Variants in TOPAZ1 observed in about 807,000 individuals in gnomAD.
The protein encoded by TOPAZ1 is protein TOPAZ1.
In TOPAZ1, 66 loss-of-function variants were observed where a neutral mutation model predicts 172.2. The observed-to-expected ratio is 0.38, with a 90% CI of 0.31 to 0.47. The LOEUF is 0.47. Ranked by LOEUF, TOPAZ1 falls within the 20% of genes least tolerant of loss-of-function variation. The pLI is 0.99. For synonymous variants in TOPAZ1, 681 were observed against 683.9 expected (o/e 1.00, Z 0.07); for missense variants, 1,822 against 1,972.4 (o/e 0.92, Z 1.44).
intron 12 of TOPAZ1, among the ~76,000 whole-genome samples, chr3:44,301,627 C>G (rs189364908): frequency 6.6e-6 from 1 of 152,202 alleles, no homozygotes; most frequent in East Asian, 1.9e-4. Context: ...TGAGCATTTT[C>G]TGTTCGTATA....
At chr3:44,328,836 G>C (rs762929770) in intron 19 of TOPAZ1, among the ~76,000 whole-genome samples, 13 of 152,152 alleles carry the variant, frequency 8.5e-5, no homozygotes, top group Non-Finnish European at 1.8e-4. Context: ...GAATACCATT[G>C]AAAATAAAGC....
At chr3:44,259,616 T>C (rs535005384) in intron 4 of TOPAZ1, among the ~76,000 whole-genome samples, 1 of 152,364 alleles carries the variant, frequency 6.6e-6, no homozygotes, top group Non-Finnish European at 1.5e-5. Flanking sequence ...ATTTTGCATA[T>C]GTGCAAGCAT....
chr3:44,262,586 A>G (rs1699787080), intron 5 of TOPAZ1, 103 bp downstream of exon 5: 1 of 569,648 alleles, frequency 1.8e-6, no homozygotes, highest in South Asian at 2.7e-5. Context: ...CTTGGGCTAT[A>G]TGCCATAAGC....
At position 44,245,052 on chromosome 3, in the gene TOPAZ1, G is replaced by T. The variant is rs1464748500; in HGVS notation, c.2546G>T (p.Gly849Val). The T allele has an allele frequency of 6.4e-7, 1 of 1,551,614 alleles. No individual in the cohort carries two copies. ...RKITKNFSEV[G>V]FPDILKAYED... ...ATAACTAAGAATTTTTCAGAGGTAG[G>T]GTTTCCAGATATTCTTAAAGCATAT... Residue 849 changes from glycine (G) to valine (V), a missense_variant, in exon 2 of 20, where the codon GGG becomes GTG. Gly to Val is a moderately radical substitution (Grantham distance 109, BLOSUM62 -3). Coordinates refer to ENST00000309765, the MANE Select transcript of TOPAZ1 (RefSeq NM_001145030.2).
chr3:44,311,580 T>C (rs1347778547), intron 16 of TOPAZ1, among the ~76,000 whole-genome samples: 1 of 152,206 alleles, frequency 6.6e-6, no homozygotes, highest in Non-Finnish European at 1.5e-5. Flanking sequence ...AACTTTAAAC[T>C]TCTATCAATT....
At chr3:44,281,927 A>T (rs1453970254) in intron 8 of TOPAZ1, 41 bp from the exon 9 acceptor site, 33 of 1,280,992 alleles carry the variant, frequency 2.6e-5, no homozygotes, top group Non-Finnish European at 3.6e-5. Context: ...CTTACAGAAT[A>T]TTTAAAAAAG....
At chr3:44,267,453 C>A (rs559501943) in intron 6 of TOPAZ1, among the ~76,000 whole-genome samples, 7 of 152,064 alleles carry the variant, frequency 4.6e-5, no homozygotes, top group African/African-American at 1.4e-4. Flanking sequence ...TGCCACCATG[C>A]CCGGCTAATT....
At chr3:44,333,341 A>G (rs1422080761), downstream of TOPAZ1, among the ~76,000 whole-genome samples, 2 of 152,176 alleles carry the variant, frequency 1.3e-5, no homozygotes, top group East Asian at 3.9e-4. Flanking sequence ...TTTAGTAAGA[A>G]GGAACTGGGT....
At chr3:44,310,262 G>A (rs1188039612) in intron 16 of TOPAZ1, among the ~76,000 whole-genome samples, 1 of 152,224 alleles carries the variant, frequency 6.6e-6, no homozygotes, top group Admixed American at 6.5e-5. Flanking sequence ...CACTTTGGGA[G>A]GCCAAGGCAG....
rs972916709 is a variant in TOPAZ1 at position 44,243,735 on chromosome 3, A to C, written c.1229A>C (p.His410Pro). Residue 410 changes from histidine (H) to proline (P), a missense_variant, in exon 2 of 20, where the codon CAT (histidine) becomes CCT (proline). Physicochemically the swap from His to Pro is moderately conservative, Grantham distance 77. Transcript: ENST00000309765. ...GTAGAAAAAGAAACAAGTTCTGAAC[A>C]TCATGTAAATGCTGTGTTTCAGAAA... ...ETVEKETSSE[H>P]HVNAVFQKTI... 2.6e-6 allele frequency: 4 copies of C among 1,551,506 alleles called. No homozygotes were observed. In the Admixed American group the frequency reaches 7.8e-5, roughly 30 times the overall value.
intron 8 of TOPAZ1, among the ~76,000 whole-genome samples, chr3:44,280,394 G>A (rs1700010084): frequency 6.7e-6 from 1 of 150,244 alleles, no homozygotes; most frequent in Admixed American, 6.7e-5. Context: ...CTGTTGCCCA[G>A]GCTGGAGTGC....
chr3:44,257,076 C>T (rs571838625), intron 4 of TOPAZ1, among the ~76,000 whole-genome samples: 2 of 152,106 alleles, frequency 1.3e-5, no homozygotes, highest in South Asian at 4.2e-4. Flanking sequence ...GGCCTGTTAT[C>T]TCAGGACTTT....
At position 44,267,018 on chromosome 3, in the gene TOPAZ1, C is replaced by G. The variant is rs1699837530; in HGVS notation, c.3042C>G (p.Asp1014Glu). The change falls in exon 6 of 20, where the codon GAC becomes GAG. Residue 1014 changes from aspartate to glutamate, a missense_variant. Transcript: ENST00000309765. ...ACAGCAAAGATTCTAGAAATGCAGA[C>G]TTTATGGTCGGCGAATGTCAATTTG... ...VCKSKDSRNA[D>E]FMVGECQFAV... is the part of the protein sequence containing the mutation. 7.1e-6 allele frequency: 11 copies of G among 1,544,854 alleles called. No individual in the cohort carries two copies. Among genetic ancestry groups the G allele is most frequent in the Non-Finnish European group, 9.6e-6 (11 of 1,144,642 alleles).
intron 16 of TOPAZ1, among the ~76,000 whole-genome samples, chr3:44,315,775 C>T (rs532344581): frequency 2.0e-3 from 297 of 152,246 alleles, no homozygotes; most frequent in Non-Finnish European, 3.2e-3. Flanking sequence ...TATATCTACT[C>T]ATCAAGACCT....
chr3:44,285,768 A>T (rs1376349120), intron 9 of TOPAZ1, among the ~76,000 whole-genome samples: 2 of 151,640 alleles, frequency 1.3e-5, no homozygotes, highest in African/African-American at 2.4e-5. Flanking sequence ...ACAAGGTCTC[A>T]CCCTGTTGGC....
At chr3:44,299,120 A>T (rs2125697381) in intron 12 of TOPAZ1, among the ~76,000 whole-genome samples, 1 of 150,654 alleles carries the variant, frequency 6.6e-6, no homozygotes, top group Non-Finnish European at 1.5e-5. Context: ...ACTGGGTTTC[A>T]CCATGTTGGC....
At chr3:44,286,281 A>G (rs1022477808) in intron 9 of TOPAZ1, among the ~76,000 whole-genome samples, 2 of 152,192 alleles carry the variant, frequency 1.3e-5, no homozygotes, top group Non-Finnish European at 2.9e-5. Context: ...CTATTTACAC[A>G]CTGGCTAACA....
Position 44,281,978 on chromosome 3 carries a change from A to T in TOPAZ1, c.3383A>T (p.Asp1128Val). The stretch of plus-strand genomic sequence containing the variant: ...TCGTGACTTTTGCAGGTTTGCATGG[A>T]TGTGTTTAAGAAATATATAAATATC... Reference protein sequence around the residue: ...PEQGDEKVCMDVFKKYININE... With the variant: ...PEQGDEKVCMVVFKKYININE... Residue 1128 changes from aspartate (D) to valine (V), a missense_variant, in exon 9 of 20, where the codon GAT (aspartate) becomes GTT (valine). Coordinates refer to ENST00000309765, the MANE Select transcript of TOPAZ1 (RefSeq NM_001145030.2). 1 of 1,546,544 alleles carries T rather than the reference A, an allele frequency of 6.5e-7. No homozygotes were observed. The highest frequency in any genetic ancestry group is 8.7e-7 in the Non-Finnish European group (1 of 1,144,220).
chr3:44,244,614 A>G lies in TOPAZ1; in HGVS notation c.2108A>G (p.Asn703Ser), dbSNP rs910064060. The change falls in exon 2 of 20, where the codon AAT becomes AGT. Residue 703 changes from asparagine (N) to serine (S), a missense_variant. Coordinates refer to ENST00000309765, the MANE Select transcript of TOPAZ1 (RefSeq NM_001145030.2). Reference protein sequence around the residue: ...KNKSEKRKEVNAKSSEREAYS... With the variant: ...KNKSEKRKEVSAKSSEREAYS... ...AAATCAGAAAAAAGAAAAGAAGTAAATGCCAAGTCATCAGAGAGAGAAGCT... is the reference window on the plus strand; with the variant it reads ...AAATCAGAAAAAAGAAAAGAAGTAAGTGCCAAGTCATCAGAGAGAGAAGCT... 1.9e-6 allele frequency: 3 copies of G among 1,551,170 alleles called. No homozygotes were observed. In the Admixed American group the frequency reaches 5.9e-5, roughly 30 times the overall value.
Sources: gnomAD v4.1 joint callset for allele counts (sites outside exome capture counted in the v4.1 genomes callset) on GRCh38, gnomAD v4.1.1 for gene constraint, MANE v1.5 for transcripts, NCBI Gene and HGNC (gene_info 2026-07-23, HGNC 2026-07-21) for gene names.